RIMKLB: variants seen among roughly 807,000 people sequenced by gnomAD.
RIMKLB encodes the protein beta-citrylglutamate synthase B.
Under a neutral mutation model 32.0 loss-of-function variants are expected in RIMKLB, and 7 were observed. The ratio of observed to expected loss-of-function variants is 0.22; its 90% CI spans 0.12 to 0.41. The LOEUF (loss-of-function observed/expected upper bound fraction) is 0.41. Ranked by LOEUF, RIMKLB falls within the 10% of genes least tolerant of loss-of-function variation. RIMKLB has a pLI of 1.00. For synonymous variants in RIMKLB, 172 were observed against 185.1 expected (o/e 0.93, Z 0.57); for missense variants, 289 against 498.7 (o/e 0.58, Z 4.00).
chr12:8,769,123 G>T (rs1950205046), intron 5 of RIMKLB, among the ~76,000 whole-genome samples: 1 of 152,018 alleles, frequency 6.6e-6, no homozygotes, highest in Non-Finnish European at 1.5e-5. Flanking sequence ...TTTACAGTTG[G>T]TTCTCATTTT....
chr12:8,739,919 T>C lies in RIMKLB; in HGVS notation c.176-9943T>C, dbSNP rs780203898. Among the ~76,000 whole-genome samples the C allele has an allele frequency of 2.6e-5, 4 of 152,286 alleles. No individual in the cohort carries two copies. In the South Asian group the frequency reaches 8.3e-4, roughly 32 times the overall value. On this transcript the variant is annotated intron_variant, in intron 2 of 5. Coordinates refer to ENST00000535829, the MANE Select transcript of RIMKLB (RefSeq NM_001297776.2). ...GACTGATGTATTTATATTTTCTCTTTTTTTCCCAGACAGGGTCTCGCTCTG... is the reference window on the plus strand; with the variant it reads ...GACTGATGTATTTATATTTTCTCTTCTTTTCCCAGACAGGGTCTCGCTCTG...
intron 2 of RIMKLB, among the ~76,000 whole-genome samples, chr12:8,722,220 T>TTA (rs1555157839): frequency 2.7e-5 from 4 of 147,666 alleles, no homozygotes; most frequent in East Asian, 2.0e-4. Context: ...CTCACAGAGC[T>TTA]AAAAAAAAAA....
intron 3 of RIMKLB, among the ~76,000 whole-genome samples, chr12:8,751,504 G>A (rs1381518387): frequency 6.6e-6 from 1 of 152,116 alleles, no homozygotes; most frequent in Non-Finnish European, 1.5e-5. Context: ...AGAAAAATTG[G>A]TGTGTGTGTG....
chr12:8,693,407 T>A (rs991483085), upstream of RIMKLB, among the ~76,000 whole-genome samples: 2 of 151,582 alleles, frequency 1.3e-5, no homozygotes, highest in African/African-American at 4.8e-5. Flanking sequence ...CTTTCTTTTT[T>A]TTTTTTTGAG....
chr12:8,692,316 A>G (rs781401580), upstream of RIMKLB, among the ~76,000 whole-genome samples: 2 of 152,354 alleles, frequency 1.3e-5, no homozygotes, highest in South Asian at 4.1e-4. Context: ...ACAAATGGTT[A>G]TTTTGGTCTC....
chr12:8,675,434 C>T, the RIMKLB span, among the ~76,000 whole-genome samples: 1 of 152,166 alleles, frequency 6.6e-6, no homozygotes, highest in African/African-American at 2.4e-5. Flanking sequence ...GGCCACCTCT[C>T]TTTTTACTGT....
At chr12:8,729,046 G>T (rs757452136) in intron 2 of RIMKLB, among the ~76,000 whole-genome samples, 1 of 152,106 alleles carries the variant, frequency 6.6e-6, no homozygotes, top group African/African-American at 2.4e-5. Flanking sequence ...TTTGGGTGCT[G>T]GCAAGAGCAA....
rs1349593369 is a variant in RIMKLB at position 8,688,614 on chromosome 12, T to C, written n.219+6796T>C. 3.9e-5 allele frequency among the ~76,000 whole-genome samples: 6 copies of C among 152,176 alleles called. No homozygotes were observed. In the East Asian group the frequency reaches 9.6e-4, roughly 24 times the overall value. ...CTGGATGGTTTATCTTGAAATAATG[T>C]ATATTACAGGTATATTTTGGTTATA... On this transcript the variant is annotated intron_variant and non_coding_transcript_variant, in intron 1 of 1. Transcript: ENST00000538758.
At chr12:8,740,986 A>G (rs1481082212) in intron 2 of RIMKLB, among the ~76,000 whole-genome samples, 1 of 151,948 alleles carries the variant, frequency 6.6e-6, no homozygotes, top group South Asian at 2.1e-4. Context: ...AGGCGGGCAA[A>G]TCATGAGGTC....
chr12:8,717,304 A>G (rs1944957581), intron 2 of RIMKLB, among the ~76,000 whole-genome samples: 1 of 152,208 alleles, frequency 6.6e-6, no homozygotes, highest in Non-Finnish European at 1.5e-5. Context: ...TATGTGAATT[A>G]TATCTCAAAG....
At chr12:8,710,453 A>G (rs1226204779) in intron 1 of RIMKLB, among the ~76,000 whole-genome samples, 5 of 151,630 alleles carry the variant, frequency 3.3e-5, no homozygotes, top group Non-Finnish European at 7.4e-5. Context: ...GATTACAGGC[A>G]TGTACTGCCA....
At chr12:8,756,107 T>C (rs1565405088) in intron 5 of RIMKLB, among the ~76,000 whole-genome samples, 1 of 150,768 alleles carries the variant, frequency 6.6e-6, no homozygotes, top group Admixed American at 6.6e-5. Flanking sequence ...TGAGTCAAGA[T>C]TGCACCACTG....
At chr12:8,777,655 T>C (rs1202268197), downstream of RIMKLB, 54 of 1,289,310 alleles carry the variant, frequency 4.2e-5, no homozygotes, top group Non-Finnish European at 5.3e-5. Flanking sequence ...AAACTTTCCT[T>C]CTTCCCCCTT....
chr12:8,781,384 G>A (rs59562279), downstream of RIMKLB, among the ~76,000 whole-genome samples: 4,971 of 152,202 alleles, frequency 0.033, 253 homozygotes, highest in African/African-American at 0.11. Flanking sequence ...TCCCTTTTTA[G>A]TGGGAGCTTT....
intron 1 of RIMKLB, among the ~76,000 whole-genome samples, chr12:8,688,187 C>T (rs1295616363): frequency 2.0e-5 from 3 of 152,252 alleles, no homozygotes; most frequent in Non-Finnish European, 2.9e-5. Context: ...CTGCAAGAAA[C>T]GGGAGTGGAT....
chr12:8,719,277 A>G (rs989502534), intron 2 of RIMKLB, among the ~76,000 whole-genome samples: 12 of 152,134 alleles, frequency 7.9e-5, no homozygotes, highest in African/African-American at 2.9e-4. Flanking sequence ...CATTGCCTTC[A>G]TATACTGTAG....
At chr12:8,718,619 A>T (rs1945090631) in intron 2 of RIMKLB, among the ~76,000 whole-genome samples, 1 of 151,512 alleles carries the variant, frequency 6.6e-6, no homozygotes, top group South Asian at 2.1e-4. Context: ...CTCTAGTCTG[A>T]CAACAAAGCG....
At chr12:8,768,023 T>G (rs888716756) in intron 5 of RIMKLB, among the ~76,000 whole-genome samples, 1 of 152,146 alleles carries the variant, frequency 6.6e-6, no homozygotes, top group African/African-American at 2.4e-5. Flanking sequence ...ACTTCCAATA[T>G]GGCGGCAGGC....
At chr12:8,678,456 G>A (rs1652838230), upstream of RIMKLB, among the ~76,000 whole-genome samples, 1 of 151,408 alleles carries the variant, frequency 6.6e-6, no homozygotes, top group Admixed American at 6.6e-5. Context: ...TCAGCCTCCC[G>A]AGTAGCTGGC....
Sources: allele counts gnomAD v4.1 joint callset (sites outside exome capture counted in the v4.1 genomes callset), GRCh38; gene constraint gnomAD v4.1.1; transcripts MANE v1.5; gene names NCBI Gene and HGNC (gene_info 2026-07-23, HGNC 2026-07-21).